The following GALNTL5 variants were observed in gnomAD, a reference collection of about 807,000 sequenced individuals.
GALNTL5 encodes the protein inactive polypeptide N-acetylgalactosaminyltransferase-like protein 5.
A neutral mutation model predicts 51.0 loss-of-function variants in GALNTL5; 44 were observed. That is an observed-to-expected ratio of 0.86 (90% CI 0.68 to 1.11). The LOEUF (loss-of-function observed/expected upper bound fraction) is 1.11, where lower values mean the gene tolerates loss of function less well. Among genes scored for constraint, GALNTL5 ranks in the 50% least tolerant of loss-of-function variants. GALNTL5 has a pLI of 0.00. For synonymous variants in GALNTL5, 192 were observed against 182.8 expected, an observed-to-expected ratio of 1.05 and a Z score of -0.41; for missense variants, 528 against 531.8, an observed-to-expected ratio of 0.99 and a Z score of 0.07.
chr7:151,983,470 G>T (rs532343228), intron 4 of GALNTL5, among the ~76,000 whole-genome samples: 1 of 152,086 alleles, frequency 6.6e-6, no homozygotes, highest in Non-Finnish European at 1.5e-5. Flanking sequence ...GAGCCACGAC[G>T]CCTGACCATC....
At position 152,003,103 on chromosome 7, in the gene GALNTL5, A is replaced by G. The variant is rs139532681; in HGVS notation, c.908+140A>G. The G allele has an allele frequency of 7.1e-3, 4,839 of 680,486 alleles. 22 individuals carry two copies. The highest frequency in any genetic ancestry group is 0.01 in the Non-Finnish European group (4,036 of 400,808). The allele number at this position is 680,486 out of a possible 1,614,324, so 42.2% of individuals were successfully genotyped here. The stretch of plus-strand genomic sequence containing the variant: ...ACTTGTTTCTAGAAGTCTTTAATAC[A>G]GTAATAGAATTATTGTTAATAGAAT... On this transcript the variant is annotated intron_variant, in intron 6 of 8. Coordinates refer to ENST00000392800, the MANE Select transcript of GALNTL5 (RefSeq NM_145292.4).
intron 3 of GALNTL5, among the ~76,000 whole-genome samples, chr7:151,979,276 A>AT (rs10681163): frequency 0.3 from 39,640 of 131,358 alleles, 6,232 homozygotes; most frequent in African/African-American, 0.38. Flanking sequence ...CGCCCAGCTA[A>AT]TTTTTTTTTT....
intron 1 of GALNTL5, among the ~76,000 whole-genome samples, chr7:151,963,969 C>T (rs1399687069): frequency 3.9e-5 from 6 of 152,184 alleles, no homozygotes; most frequent in East Asian, 3.8e-4. Context: ...GAGTCAGCTC[C>T]GGCTGCCATA....
chr7:151,981,544 CCCTTCCTTCCTT>C lies in GALNTL5; in HGVS notation c.369-1407_369-1396del, dbSNP rs201218158. On this transcript the variant is annotated intron_variant, in intron 3 of 8. Transcript: ENST00000392800. ...AGTCAGCTCACAATACATCTCTCTT[CCCTTCCTTCCTT>C]CCTTCCTTCCTTCCTTCCTTCCTTC... 2.9e-3 allele frequency among the ~76,000 whole-genome samples: 377 copies of C among 130,646 alleles called. 6 individuals carry two copies. The highest frequency in any genetic ancestry group is 0.011 in the African/African-American group (361 of 33,942). The allele number at this position is 130,646 out of a possible 152,430, so 85.7% of individuals were successfully genotyped here.
intron 5 of GALNTL5, among the ~76,000 whole-genome samples, chr7:151,993,014 G>A (rs1007531003): frequency 6.6e-6 from 1 of 152,124 alleles, no homozygotes; most frequent in Admixed American, 6.5e-5. Flanking sequence ...GAGGCGGGCG[G>A]ATCACCTGAG....
At chr7:151,979,111 T>C (rs1286077738) in intron 3 of GALNTL5, among the ~76,000 whole-genome samples, 2 of 144,392 alleles carry the variant, frequency 1.4e-5, no homozygotes, top group African/African-American at 5.2e-5. Context: ...TTACTCTTTT[T>C]TTTTTTTTTT....
Position 151,960,707 on chromosome 7 carries a change from C to G in GALNTL5, c.-40+4098C>G, listed in dbSNP as rs569728551. On this transcript the variant is annotated intron_variant, in intron 1 of 8. Coordinates refer to ENST00000392800, the MANE Select transcript of GALNTL5 (RefSeq NM_145292.4). ...GCACCCATTGACCAGTCTTTGAATG[C>G]GAGATCCCCAGAGAGGGGGACACTT... 7.2e-5 allele frequency: 11 copies of G among 152,382 alleles called. No individual in the cohort carries two copies. In the East Asian group the frequency reaches 2.1e-3, roughly 30 times the overall value. 9.4% of individuals were successfully genotyped at this position (152,382 alleles called of 1,614,324 possible). A position where few individuals can be genotyped will look rare whatever the true frequency, so the allele number is the denominator to read the frequency against.
intron 5 of GALNTL5, among the ~76,000 whole-genome samples, chr7:151,989,440 A>G (rs547311063): frequency 6.6e-6 from 1 of 152,354 alleles, no homozygotes; most frequent in East Asian, 1.9e-4. Context: ...AGTGTGAGCC[A>G]CTGTGCTCAG....
Position 152,019,671 on chromosome 7 carries a change from G to A in GALNTL5, c.1202G>A (p.Gly401Asp), listed in dbSNP as rs373209364. 1 of 1,611,984 alleles carries A rather than the reference G, an allele frequency of 6.2e-7. No individual in the cohort carries two copies. Among genetic ancestry groups the A allele is most frequent in the South Asian group, 1.1e-5 (1 of 90,638 alleles). Residue 401 changes from glycine (G) to aspartate (D), a missense_variant, in exon 9 of 9, where the codon GGT becomes GAT. Coordinates refer to ENST00000392800, the MANE Select transcript of GALNTL5 (RefSeq NM_145292.4). ...YKEQFFLRKP[G>D]LKYVTYGNIR... ...GAGCAGTTTTTTCTTCGAAAGCCTGGTCTGAAATATGTCACCTACGGAAAT... is the reference window on the plus strand; with the variant it reads ...GAGCAGTTTTTTCTTCGAAAGCCTGATCTGAAATATGTCACCTACGGAAAT...
chr7:152,018,898 G>T (rs187832988), intron 8 of GALNTL5, among the ~76,000 whole-genome samples: 1 of 152,260 alleles, frequency 6.6e-6, no homozygotes, highest in East Asian at 1.9e-4. Flanking sequence ...TACCCTGAAT[G>T]CCAGGCCTGG....
At chr7:151,958,486 C>T (rs542954507) in intron 1 of GALNTL5, among the ~76,000 whole-genome samples, 2 of 152,342 alleles carry the variant, frequency 1.3e-5, no homozygotes, top group Admixed American at 6.5e-5. Context: ...TCTCTGTCTC[C>T]TTCCTGCCAC....
intron 7 of GALNTL5, among the ~76,000 whole-genome samples, chr7:152,008,484 A>T (rs2081681926): frequency 6.6e-6 from 1 of 151,940 alleles, no homozygotes; most frequent in Non-Finnish European, 1.5e-5. Flanking sequence ...TTAATATAAT[A>T]TTTTAAATCT....
intron 1 of GALNTL5, among the ~76,000 whole-genome samples, chr7:151,966,267 CT>C (rs199729215): frequency 0.071 from 10,133 of 143,592 alleles, 401 homozygotes; most frequent in East Asian, 0.2. Context: ...TCTTTTCTTT[CT>C]TTTTTTTTTT....
intron 5 of GALNTL5, among the ~76,000 whole-genome samples, chr7:152,000,608 C>T (rs1460807487): frequency 1.3e-5 from 2 of 152,144 alleles, no homozygotes; most frequent in East Asian, 3.9e-4. Flanking sequence ...TTCATTCTTG[C>T]CGTCCTAGTG....
At position 151,987,240 on chromosome 7, in the gene GALNTL5, G is replaced by C. The variant is rs61729482; in HGVS notation, c.617G>C (p.Gly206Ala). 4.2e-3 allele frequency: 6,731 copies of C among 1,598,726 alleles called. 98 individuals carry two copies. The African/African-American group carries it at 0.043, about 10-fold the overall frequency. Residue 206 changes from glycine to alanine, a missense_variant, in exon 5 of 9, where the codon GGG (glycine) becomes GCG (alanine). Gly to Ala is a moderately conservative substitution (Grantham distance 60, BLOSUM62 0). Transcript: ENST00000392800. Reference protein sequence around the residue: ...VKIIRNKKREGLIRARLIGAS... With the variant: ...VKIIRNKKREALIRARLIGAS... Reference sequence around the variant, plus strand: ...ATAATAAGAAACAAAAAGAGAGAGGGGCTGATTCGAGCAAGGCTGATTGGA... The same window carrying C: ...ATAATAAGAAACAAAAAGAGAGAGGCGCTGATTCGAGCAAGGCTGATTGGA...
intron 8 of GALNTL5, among the ~76,000 whole-genome samples, chr7:152,018,242 G>T (rs929198492): frequency 1.4e-4 from 21 of 152,214 alleles, no homozygotes; most frequent in African/African-American, 4.8e-4. Flanking sequence ...AAGAGTTAGT[G>T]CATTTTAAAT....
At chr7:151,972,193 A>G (rs1197295014) in intron 3 of GALNTL5, among the ~76,000 whole-genome samples, 1 of 152,220 alleles carries the variant, frequency 6.6e-6, no homozygotes, top group African/African-American at 2.4e-5. Flanking sequence ...GCTGATAGTG[A>G]TAAGGACAAT....
chr7:152,000,897 T>A (rs545771084), intron 5 of GALNTL5, among the ~76,000 whole-genome samples: 1 of 149,640 alleles, frequency 6.7e-6, no homozygotes, highest in African/African-American at 2.5e-5. Flanking sequence ...TCTTTTCTTT[T>A]CTTTTTTTTC....
intron 3 of GALNTL5, 32 bp downstream of exon 3, chr7:151,971,097 A>AGATAGATG: frequency 1.1e-6 from 1 of 930,178 alleles, no homozygotes; most frequent in South Asian, 1.5e-5. Flanking sequence ...CTCATTCTCT[A>AGATAGATG]GATAGATAGA....
Sources: gnomAD v4.1 joint callset for allele counts (sites outside exome capture counted in the v4.1 genomes callset) on GRCh38, gnomAD v4.1.1 for gene constraint, MANE v1.5 for transcripts, NCBI Gene and HGNC (gene_info 2026-07-23, HGNC 2026-07-21) for gene names.